The following ROCK2 variants were observed in gnomAD, a reference collection of about 807,000 sequenced individuals.
The protein encoded by ROCK2 is Rho associated coiled-coil containing protein kinase 2.
A neutral mutation model predicts 195.1 loss-of-function variants in ROCK2; 61 were observed. The observed-to-expected ratio is 0.31, with a 90% confidence interval of 0.25 to 0.39. The LOEUF (loss-of-function observed/expected upper bound fraction) is 0.39, where lower values mean the gene tolerates loss of function less well. Among genes scored for constraint, ROCK2 ranks in the 10% least tolerant of loss-of-function variants. ROCK2 has a pLI of 1.00. For synonymous variants in ROCK2, 504 were observed against 545.5 expected, an observed-to-expected ratio of 0.92 and a Z score of 1.06; for missense variants, 1,109 against 1,637.4, an observed-to-expected ratio of 0.68 and a Z score of 5.57.
In ROCK2 at chr2:11,236,062, A is replaced by T; in HGVS notation, c.463-100T>A. ...AACTATTATTACTATTGAAAAAGGC[A>T]AACTATTTTATAACCAAAACTAAAA... is the stretch of plus-strand genomic sequence containing the variant. On this transcript the variant is annotated intron_variant, in intron 4 of 32. Transcript: ENST00000315872. The T allele has an allele frequency of 2.7e-6, 3 of 1,101,002 alleles. No individual in the cohort carries two copies. In the South Asian group the frequency reaches 7.2e-5, roughly 27 times the overall value. 68.2% of individuals were successfully genotyped at this position (1,101,002 alleles called of 1,614,324 possible). A position where few individuals can be genotyped will look rare whatever the true frequency, so the allele number is the denominator to read the frequency against.
In ROCK2 at chr2:11,180,491, C is replaced by T. The variant is rs1038119954; in HGVS notation, c.*2946G>A. On this transcript the variant is annotated 3_prime_UTR_variant, in exon 33 of 33. Coordinates refer to ENST00000315872, the MANE Select transcript of ROCK2 (RefSeq NM_004850.5). ...ATTTTTAAAACTTGTTTCTAGAGAA[C>T]ATGGTTTTTTAAAATTAATACTTTA... 1.3e-5 allele frequency: 2 copies of T among 152,146 alleles called. No individual in the cohort carries two copies. Among genetic ancestry groups the T allele is most frequent in the African/African-American group, 2.4e-5 (1 of 41,420 alleles). The allele number at this position is 152,146 out of a possible 1,614,324, so 9.4% of individuals were successfully genotyped here. A position where few individuals can be genotyped will look rare whatever the true frequency, so the allele number is the denominator to read the frequency against.
rs1291608252 is a variant in ROCK2, at chr2:11,235,705, A to G, written c.720T>C (p.Asp240=). Residue 240 remains aspartate, a synonymous_variant, in exon 5 of 33, where the codon GAT becomes GAC. Transcript: ENST00000315872. This position sits in a 1 kb window ranked among gnomAD's most constrained non-coding sequence, Gnocchi z 4.2. ...LADFGTCMKM[D]ETGMVHCDTA... Reference sequence around the variant, plus strand: ...TTTAAATAATTTGCTTACTTACTTCATCCATCTTCATACACGTGCCAAAAT... The same window carrying G: ...TTTAAATAATTTGCTTACTTACTTCGTCCATCTTCATACACGTGCCAAAAT... 6.2e-7 allele frequency: 1 copy of G among 1,605,128 alleles called. No individual in the cohort carries two copies. The highest frequency in any genetic ancestry group is 8.5e-7 in the Non-Finnish European group (1 of 1,175,840).
chr2:11,274,801 A>C (rs1666766049), intron 3 of ROCK2, among the ~76,000 whole-genome samples: 1 of 152,220 alleles, frequency 6.6e-6, no homozygotes, highest in South Asian at 2.1e-4. Flanking sequence ...TAAAGACATC[A>C]CGGTAGTCCC....
chr2:11,297,274 G>A (rs1489686389), intron 1 of ROCK2, among the ~76,000 whole-genome samples: 1 of 151,860 alleles, frequency 6.6e-6, no homozygotes, highest in Admixed American at 6.6e-5. Flanking sequence ...TGAATGGAAA[G>A]CAAAAAATAC....
At chr2:11,307,593 T>C (rs1006934736) in intron 1 of ROCK2, among the ~76,000 whole-genome samples, 3 of 152,172 alleles carry the variant, frequency 2.0e-5, no homozygotes, top group African/African-American at 7.2e-5. Flanking sequence ...ATTACAGGCG[T>C]TAGCCACCGC....
At chr2:11,334,020 T>C (rs1261977150) in intron 1 of ROCK2, among the ~76,000 whole-genome samples, 3 of 152,180 alleles carry the variant, frequency 2.0e-5, no homozygotes, top group Non-Finnish European at 4.4e-5. Context: ...AAATCACAAT[T>C]TGCTTTTCCT....
At chr2:11,221,471 C>G in intron 8 of ROCK2, 114 bp from the exon 9 acceptor site, 1 of 697,692 alleles carries the variant, frequency 1.4e-6, no homozygotes, top group Non-Finnish European at 2.1e-6. Context: ...TTTGTAGCAG[C>G]GCATTTGCCA....
chr2:11,247,565 T>C (rs1174002746), intron 4 of ROCK2, among the ~76,000 whole-genome samples: 1 of 152,188 alleles, frequency 6.6e-6, no homozygotes, highest in African/African-American at 2.4e-5. Flanking sequence ...TTTTCTTCTA[T>C]CTCAATTAAC....
rs772642890 is a variant in ROCK2 at position 11,202,037 on chromosome 2, G to A, written c.2619+15C>T. On this transcript the variant is annotated intron_variant, in intron 21 of 32. Coordinates refer to ENST00000315872, the MANE Select transcript of ROCK2 (RefSeq NM_004850.5). The stretch of plus-strand genomic sequence containing the variant: ...CTCTGTTTGCTATTTGCAAATTAAT[G>A]TGTCTTGAACTTACTGAGAAATACT... 3 of 1,603,820 alleles carry A rather than the reference G, an allele frequency of 1.9e-6. No homozygotes were observed. The highest frequency in any genetic ancestry group is 1.3e-5 in the African/African-American group (1 of 74,834).
At chr2:11,184,745 G>A in intron 32 of ROCK2, 1 of 984,280 alleles carries the variant, frequency 1.0e-6, no homozygotes, top group Non-Finnish European at 1.2e-6. Context: ...ACCAATCCCA[G>A]TCTTTAAATG....
chr2:11,242,641 C>A (rs555302925), intron 4 of ROCK2, among the ~76,000 whole-genome samples: 1 of 152,248 alleles, frequency 6.6e-6, no homozygotes, highest in East Asian at 1.9e-4. Context: ...AAATCTTACT[C>A]AAGGGAGTTA....
At chr2:11,285,875 G>A (rs578253375) in intron 3 of ROCK2, among the ~76,000 whole-genome samples, 1 of 151,498 alleles carries the variant, frequency 6.6e-6, no homozygotes, top group East Asian at 1.9e-4. Flanking sequence ...AGCAATGAAA[G>A]GAAAAAAAAG....
chr2:11,335,585 A>G (rs1029127403), intron 1 of ROCK2, among the ~76,000 whole-genome samples: 1 of 152,254 alleles, frequency 6.6e-6, no homozygotes, highest in African/African-American at 2.4e-5. Flanking sequence ...AGGCCCAAAT[A>G]GAGACCTAAC....
intron 3 of ROCK2, among the ~76,000 whole-genome samples, chr2:11,262,898 A>T (rs1453795253): frequency 6.6e-6 from 1 of 152,112 alleles, no homozygotes; most frequent in African/African-American, 2.4e-5. Context: ...TATTAACAAA[A>T]ATATATTATT....
chr2:11,224,240 T>C lies in ROCK2; in HGVS notation c.1007+82A>G. The stretch of plus-strand genomic sequence containing the variant: ...GGTAATGAGAGGCAGACTGATTTCA[T>C]ATGTTAATAAGCTAGGCATGCTTTT... On this transcript the variant is annotated intron_variant, in intron 7 of 32. Transcript: ENST00000315872. 2 of 1,310,322 alleles carry C rather than the reference T, an allele frequency of 1.5e-6. 1 individual carries two copies. Among genetic ancestry groups the C allele is most frequent in the South Asian group, 2.8e-5 (2 of 70,634 alleles). The allele number at this position is 1,310,322 out of a possible 1,614,324, so 81.2% of individuals were successfully genotyped here.
At chr2:11,232,048 A>G (rs1665031287) in intron 5 of ROCK2, among the ~76,000 whole-genome samples, 5 of 152,122 alleles carry the variant, frequency 3.3e-5, no homozygotes, top group Admixed American at 3.3e-4. Flanking sequence ...AAAAATGTAA[A>G]AGTTATTTCT....
In ROCK2 at chr2:11,235,663, C is replaced by A; in HGVS notation, c.723+39G>T. On this transcript the variant is annotated intron_variant, in intron 5 of 32. Coordinates refer to ENST00000315872, the MANE Select transcript of ROCK2 (RefSeq NM_004850.5). The surrounding 1 kb of genome is among the most constrained non-coding windows in gnomAD (Gnocchi z 4.2). ...TTAAAGTATTTCATTTATTTCTGTCCCTCAAAACACTATCGTTTTAAATAA... is the reference window on the plus strand; with the variant it reads ...TTAAAGTATTTCATTTATTTCTGTCACTCAAAACACTATCGTTTTAAATAA... 1.9e-6 allele frequency: 3 copies of A among 1,558,434 alleles called. No homozygotes were observed. The highest frequency in any genetic ancestry group is 1.2e-5 in the South Asian group (1 of 80,562).
rs557250055 is a variant in ROCK2 at position 11,259,768 on chromosome 2, T to A, written c.325-9970A>T. Among the ~76,000 whole-genome samples the A allele has an allele frequency of 7.3e-5, 11 of 151,464 alleles. 1 individual carries two copies. The highest frequency in any genetic ancestry group is 2.0e-4 in the African/African-American group (8 of 40,788). ...AAATATACTTTTCTTGTAAAAAAAA[T>A]TTTTTGAAATTTGAAGGATTGATAT... On this transcript the variant is annotated intron_variant, in intron 3 of 32. Coordinates refer to ENST00000315872, the MANE Select transcript of ROCK2 (RefSeq NM_004850.5).
At chr2:11,237,185 A>G (rs1665240168) in intron 4 of ROCK2, among the ~76,000 whole-genome samples, 1 of 152,076 alleles carries the variant, frequency 6.6e-6, no homozygotes, top group African/African-American at 2.4e-5. Context: ...TAAAATCGAT[A>G]CCCTCAAAAG....
Sources: gnomAD v4.1 joint callset for allele counts (sites outside exome capture counted in the v4.1 genomes callset) on GRCh38, gnomAD v4.1.1 for gene constraint, Gnocchi (gnomAD v3.1) non-coding constraint, MANE v1.5 for transcripts, NCBI Gene and HGNC (gene_info 2026-07-23, HGNC 2026-07-21) for gene names.